The following MTSS1 variants were observed in gnomAD, a reference collection of about 807,000 sequenced individuals.
MTSS1 encodes MTSS I-BAR domain containing 1, also known as protein MTSS 1.
MTSS1 carries 18 observed loss-of-function variants against 79.0 expected under a neutral mutation model. That is an observed-to-expected ratio of 0.23 (90% CI 0.16 to 0.34). The LOEUF is 0.34. Ranked by LOEUF, MTSS1 falls within the 10% of genes least tolerant of loss-of-function variation. The probability of loss-of-function intolerance (pLI) is 1.00; values close to 1 mark genes in which losing one functional copy is unlikely to be tolerated. For synonymous variants in MTSS1, 341 were observed against 368.6 expected, an observed-to-expected ratio of 0.93 and a Z score of 0.86; for missense variants, 815 against 986.2, an observed-to-expected ratio of 0.83 and a Z score of 2.33.
intron 3 of MTSS1, among the ~76,000 whole-genome samples, chr8:124,697,417 G>A (rs1322524590): frequency 4.0e-5 from 6 of 151,814 alleles, no homozygotes; most frequent in Admixed American, 6.6e-5. Context: ...AAAATTAGTC[G>A]GGCGTGGTGG....
At chr8:124,702,285 A>G (rs1267362655) in intron 2 of MTSS1, among the ~76,000 whole-genome samples, 1 of 152,212 alleles carries the variant, frequency 6.6e-6, no homozygotes, top group African/African-American at 2.4e-5. Flanking sequence ...CCTAAAATAA[A>G]TGGTAATCAT....
intron 3 of MTSS1, among the ~76,000 whole-genome samples, chr8:124,599,880 T>A (rs1051795417): frequency 1.6e-4 from 25 of 152,228 alleles, no homozygotes; most frequent in African/African-American, 5.8e-4. Flanking sequence ...CTCCTTACTA[T>A]CGTCTAAATG....
chr8:124,639,113 G>C (rs1055693844), intron 3 of MTSS1, among the ~76,000 whole-genome samples: 1 of 152,320 alleles, frequency 6.6e-6, no homozygotes, highest in African/African-American at 2.4e-5. Context: ...AAGGCAGGCG[G>C]ATCACTAGAG....
At chr8:124,585,484 G>T (rs1210847423) in intron 5 of MTSS1, among the ~76,000 whole-genome samples, 1 of 151,616 alleles carries the variant, frequency 6.6e-6, no homozygotes, top group Non-Finnish European at 1.5e-5. Context: ...GCATGATCTC[G>T]GCTCACTGCC....
chr8:124,721,917 G>A (rs1444267482), intron 1 of MTSS1, among the ~76,000 whole-genome samples: 1 of 152,160 alleles, frequency 6.6e-6, no homozygotes, highest in Non-Finnish European at 1.5e-5. Flanking sequence ...CACCTGCCTA[G>A]AACCTCGCCT....
At chr8:124,723,225 G>A (rs1320062640) in intron 1 of MTSS1, among the ~76,000 whole-genome samples, 8 of 152,100 alleles carry the variant, frequency 5.3e-5, no homozygotes, top group South Asian at 2.1e-4. Flanking sequence ...GAAACCCTAC[G>A]TTTTTACTTG....
At chr8:124,725,148 G>A (rs907269473) in intron 1 of MTSS1, among the ~76,000 whole-genome samples, 1 of 152,084 alleles carries the variant, frequency 6.6e-6, no homozygotes, top group Admixed American at 6.5e-5. Context: ...TGCTTTACAT[G>A]GTGCTGTTCC....
intron 3 of MTSS1, among the ~76,000 whole-genome samples, chr8:124,657,889 T>A (rs917667666): frequency 1.3e-5 from 2 of 152,258 alleles, no homozygotes; most frequent in African/African-American, 4.8e-5. Flanking sequence ...ATTCTCATGT[T>A]GAAATCCTAA....
chr8:124,585,842 C>T (rs1333517235), intron 5 of MTSS1, among the ~76,000 whole-genome samples: 1 of 151,982 alleles, frequency 6.6e-6, no homozygotes, highest in Non-Finnish European at 1.5e-5. Flanking sequence ...AAACAAAAAA[C>T]AAAAAACCCC....
In MTSS1 at chr8:124,552,349, T is replaced by C. The variant is rs574958734; in HGVS notation, c.*643A>G. The C allele has an allele frequency of 1.2e-3, 179 of 153,700 alleles. 2 individuals carry two copies. The highest frequency in any genetic ancestry group is 2.7e-3 in the Admixed American group (41 of 15,436). The allele number at this position is 153,700 out of a possible 1,614,324, so 9.5% of individuals were successfully genotyped here. A position where few individuals can be genotyped will look rare whatever the true frequency, so the allele number is the denominator to read the frequency against. On this transcript the variant is annotated 3_prime_UTR_variant, in exon 14 of 14. Coordinates refer to ENST00000518547, the MANE Select transcript of MTSS1 (RefSeq NM_014751.6). The stretch of plus-strand genomic sequence containing the variant: ...TTCAACCTACGAGGCTACTCTTAAA[T>C]GTAACAGGATCGGCTATGTTGACGA...
chr8:124,553,065 A>G lies in MTSS1; in HGVS notation c.2195T>C (p.Leu732Pro), dbSNP rs1822797422. The G allele has an allele frequency of 6.2e-7, 1 of 1,614,152 alleles. No individual in the cohort carries two copies. The highest frequency in any genetic ancestry group is 8.5e-7 in the Non-Finnish European group (1 of 1,180,006). The part of the protein sequence containing the change: ...PRDTPQGEDM[L>P]NAIRRGVKLK... ...TTTCACGCCCCTTCGGATGGCGTTC[A>G]GCATGTCTTCTCCTTGTGGAGTATC... Residue 732 changes from leucine (L) to proline (P), a missense_variant, in exon 14 of 14, where the codon CTG (leucine) becomes CCG (proline). Physicochemically the swap from Leu to Pro is moderately conservative, Grantham distance 98. Around this residue, in one of 2 missense-constraint regions of MTSS1, gnomAD observed 590 missense variants for 620.8 expected, o/e 0.95. Coordinates refer to ENST00000518547, the MANE Select transcript of MTSS1 (RefSeq NM_014751.6). This position sits in a 1 kb window ranked among gnomAD's most constrained non-coding sequence, Gnocchi z 6.0.
intron 3 of MTSS1, among the ~76,000 whole-genome samples, chr8:124,598,112 C>T (rs1833079556): frequency 1.3e-5 from 2 of 152,068 alleles, no homozygotes; most frequent in African/African-American, 2.4e-5. Context: ...CACAGCAAGA[C>T]CCCATCTCTA....
At chr8:124,633,633 G>A (rs1027885829) in intron 3 of MTSS1, among the ~76,000 whole-genome samples, 3 of 152,048 alleles carry the variant, frequency 2.0e-5, no homozygotes, top group African/African-American at 7.2e-5. Flanking sequence ...ATCTGGGTGT[G>A]GTGGCACACG....
At chr8:124,629,393 T>C (rs1013457785) in intron 3 of MTSS1, among the ~76,000 whole-genome samples, 1 of 150,474 alleles carries the variant, frequency 6.6e-6, no homozygotes, top group African/African-American at 2.5e-5. Flanking sequence ...GGCGGGCACC[T>C]GTAGTCCCAG....
chr8:124,682,834 T>G (rs1172519170), intron 3 of MTSS1, among the ~76,000 whole-genome samples: 1 of 152,226 alleles, frequency 6.6e-6, no homozygotes, highest in Non-Finnish European at 1.5e-5. Context: ...AATATGGCAT[T>G]TCAAGCCAAA....
intron 3 of MTSS1, among the ~76,000 whole-genome samples, chr8:124,694,750 C>T (rs577894201): frequency 6.6e-6 from 1 of 152,232 alleles, no homozygotes; most frequent in East Asian, 1.9e-4. Context: ...TAGCCACGTG[C>T]TGGTCCATTA....
intron 6 of MTSS1, among the ~76,000 whole-genome samples, chr8:124,583,239 A>G (rs1197858637): frequency 6.6e-6 from 1 of 152,164 alleles, no homozygotes; most frequent in East Asian, 1.9e-4. Context: ...TGTCAGGCCA[A>G]TGTGCCCTAA....
chr8:124,660,991 AC>A (rs1174788731), intron 3 of MTSS1, among the ~76,000 whole-genome samples: 5 of 152,212 alleles, frequency 3.3e-5, no homozygotes, highest in African/African-American at 1.2e-4. Context: ...GACAGTAGTC[AC>A]CTCTTGGCCC....
chr8:124,618,494 G>A (rs886722509), intron 3 of MTSS1, among the ~76,000 whole-genome samples: 2 of 152,200 alleles, frequency 1.3e-5, no homozygotes, highest in Admixed American at 6.5e-5. Flanking sequence ...ATCTGCAGTT[G>A]ACAAAACTAA....
Sources: allele counts gnomAD v4.1 joint callset (sites outside exome capture counted in the v4.1 genomes callset), GRCh38; gene constraint gnomAD v4.1.1; regional missense constraint gnomAD v4.1.1; non-coding constraint Gnocchi (gnomAD v3.1); transcripts MANE v1.5; gene names NCBI Gene and HGNC (gene_info 2026-07-23, HGNC 2026-07-21).